Variants in PMS1 observed in about 807,000 individuals in gnomAD.
PMS1 encodes PMS1 protein homolog 1.
Under a neutral mutation model 93.1 loss-of-function variants are expected in PMS1, and 79 were observed. That is an observed-to-expected ratio of 0.85 (90% CI 0.71 to 1.02). PMS1 has a LOEUF of 1.02. Ranked by LOEUF, PMS1 falls within the 50% of genes least tolerant of loss-of-function variation. The pLI, the probability that PMS1 is intolerant of heterozygous loss-of-function variation, is 0.00. For missense variants in PMS1, 1,064 were observed against 1,085.3 expected, an observed-to-expected ratio of 0.98 and a Z score of 0.28; for synonymous variants, 335 against 363.4, an observed-to-expected ratio of 0.92 and a Z score of 0.89.
rs141379124 is a variant in PMS1, at chr2:189,832,051, A to G, written c.583-11913A>G. Among the ~76,000 whole-genome samples the G allele has an allele frequency of 1.7e-3, 258 of 152,314 alleles. 1 individual carries two copies. The highest frequency in any genetic ancestry group is 7.1e-4 in the Non-Finnish European group (48 of 68,024). ...TTGTTTTGAAAAAAGGCCCAGAAGT[A>G]GAATAAAGAACCATATTGTTGAGAT... On this transcript the variant is annotated intron_variant, in intron 5 of 12. Coordinates refer to ENST00000441310, the MANE Select transcript of PMS1 (RefSeq NM_000534.5).
chr2:189,790,754 G>A (rs2048791815), intron 1 of PMS1, among the ~76,000 whole-genome samples: 1 of 152,182 alleles, frequency 6.6e-6, no homozygotes, highest in South Asian at 2.1e-4. Context: ...TATAGACTGG[G>A]TGACCAAAGG....
chr2:189,841,789 C>T (rs1416756406), intron 5 of PMS1, among the ~76,000 whole-genome samples: 2 of 294 alleles, frequency 6.8e-3, no homozygotes, highest in African/African-American at 0.016. Context: ...AATGGTTAAA[C>T]AATGCAACTT....
Position 189,830,737 on chromosome 2 carries a change from T to C in PMS1, c.582+12557T>C, listed in dbSNP as rs113047620. 1.4e-3 allele frequency among the ~76,000 whole-genome samples: 206 copies of C among 152,292 alleles called. 1 individual carries two copies. The highest frequency in any genetic ancestry group is 4.4e-3 in the African/African-American group (184 of 41,556). ...GATCAAGGGCTGAGAACAGGAGCAC[T>C]CCATTATGCTGGTGGCACCAGCCCA... On this transcript the variant is annotated intron_variant, in intron 5 of 12. Transcript: ENST00000441310.
chr2:189,824,390 T>G (rs1165921761), intron 5 of PMS1, among the ~76,000 whole-genome samples: 3 of 152,090 alleles, frequency 2.0e-5, no homozygotes, highest in Non-Finnish European at 2.9e-5. Context: ...TGTTTTTATT[T>G]TATTTATTTT....
At chr2:189,795,096 A>G (rs1055396777) in intron 2 of PMS1, among the ~76,000 whole-genome samples, 38 of 152,170 alleles carry the variant, frequency 2.5e-4, no homozygotes, top group Admixed American at 1.7e-3. Flanking sequence ...AGTATCTAAA[A>G]AAAGTCTTGA....
chr2:189,821,763 C>G (rs561554113), intron 5 of PMS1, among the ~76,000 whole-genome samples: 10 of 147,934 alleles, frequency 6.8e-5, no homozygotes, highest in African/African-American at 2.5e-4. Flanking sequence ...GAGCCGAGAT[C>G]GCACCACTGC....
intron 3 of PMS1, among the ~76,000 whole-genome samples, chr2:189,797,799 C>A (rs2049493376): frequency 6.6e-6 from 1 of 152,118 alleles, no homozygotes; most frequent in Non-Finnish European, 1.5e-5. Context: ...TCTCTAGGTT[C>A]ATTGTGGTCT....
chr2:189,835,253 T>G (rs1274363514), intron 5 of PMS1, among the ~76,000 whole-genome samples: 1 of 152,222 alleles, frequency 6.6e-6, no homozygotes, highest in South Asian at 2.1e-4. Context: ...TTAGAACTCA[T>G]TTATACTGCA....
chr2:189,791,434 A>G (rs1006220552), intron 1 of PMS1, among the ~76,000 whole-genome samples: 1 of 152,118 alleles, frequency 6.6e-6, no homozygotes, highest in Non-Finnish European at 1.5e-5. Context: ...AGCCTGACCA[A>G]CTTGGCAAAA....
intron 11 of PMS1, among the ~76,000 whole-genome samples, chr2:189,871,163 A>T (rs2057111015): frequency 6.6e-6 from 1 of 152,234 alleles, no homozygotes. Flanking sequence ...GAAATTAAAT[A>T]GTGATGACCT....
chr2:189,799,994 A>G (rs937388217), intron 3 of PMS1, among the ~76,000 whole-genome samples: 1 of 152,228 alleles, frequency 6.6e-6, no homozygotes, highest in South Asian at 2.1e-4. Flanking sequence ...CAGTTTCTTC[A>G]TAGTACTGAT....
intron 6 of PMS1, among the ~76,000 whole-genome samples, chr2:189,850,132 A>G (rs1467597117): frequency 6.6e-6 from 1 of 152,144 alleles, no homozygotes; most frequent in African/African-American, 2.4e-5. Flanking sequence ...TTTGTATTTT[A>G]TCTATCACTG....
intron 6 of PMS1, among the ~76,000 whole-genome samples, chr2:189,847,844 C>A (rs1274996850): frequency 6.6e-6 from 1 of 152,134 alleles, no homozygotes; most frequent in Non-Finnish European, 1.5e-5. Flanking sequence ...TTTGTTGAAA[C>A]CTCCTCTGCT....
At chr2:189,847,288 C>T (rs1385916296) in intron 6 of PMS1, among the ~76,000 whole-genome samples, 1 of 152,108 alleles carries the variant, frequency 6.6e-6, no homozygotes, top group Non-Finnish European at 1.5e-5. Context: ...TCATTTCTTT[C>T]TCAGCCCCAG....
intron 9 of PMS1, among the ~76,000 whole-genome samples, chr2:189,855,337 T>A (rs553900617): frequency 1.2e-5 from 1 of 86,506 alleles, no homozygotes; most frequent in African/African-American, 1.7e-4. Flanking sequence ...TATTATTTTG[T>A]TTTTTTTTTG....
At chr2:189,862,073 T>C (rs1378214568) in intron 9 of PMS1, among the ~76,000 whole-genome samples, 3 of 152,184 alleles carry the variant, frequency 2.0e-5, no homozygotes, top group Non-Finnish European at 4.4e-5. Context: ...CATTTTATTT[T>C]CTTTCCCAGT....
intron 9 of PMS1, among the ~76,000 whole-genome samples, chr2:189,860,955 A>G (rs1374353198): frequency 1.3e-5 from 2 of 151,450 alleles, no homozygotes; most frequent in Non-Finnish European, 2.9e-5. Flanking sequence ...CTTTTAGACT[A>G]TCCTCGTCTT....
Position 189,812,731 on chromosome 2 carries a change from A to G in PMS1, c.419-5286A>G, listed in dbSNP as rs577074850. ...AGGTAAACTGATAATTTAAGAATAT[A>G]TGTTATACTCACTGAAAGTAATACA... On this transcript the variant is annotated intron_variant, in intron 4 of 12. Transcript: ENST00000441310. 4.7e-4 allele frequency among the ~76,000 whole-genome samples: 71 copies of G among 152,332 alleles called. 1 individual carries two copies. In the Middle Eastern group the frequency reaches 0.017, roughly 36 times the overall value.
At chr2:189,870,474 T>C (rs1477246966) in intron 11 of PMS1, among the ~76,000 whole-genome samples, 1 of 152,238 alleles carries the variant, frequency 6.6e-6, no homozygotes, top group Admixed American at 6.5e-5. Flanking sequence ...GGTAAGCATT[T>C]CACAGTATTT....
Sources: allele counts gnomAD v4.1 joint callset (sites outside exome capture counted in the v4.1 genomes callset), GRCh38; gene constraint gnomAD v4.1.1; transcripts MANE v1.5; gene names NCBI Gene and HGNC (gene_info 2026-07-23, HGNC 2026-07-21).